Variants in FIP1L1 observed in about 807,000 individuals in gnomAD.
The protein encoded by FIP1L1 is factor interacting with PAPOLA and CPSF1, also known as pre-mRNA 3'-end-processing factor FIP1.
A neutral mutation model predicts 84.6 loss-of-function variants in FIP1L1; 21 were observed. The observed-to-expected ratio is 0.25, with a 90% CI of 0.18 to 0.36. FIP1L1 has a LOEUF of 0.36. Among genes scored for constraint, FIP1L1 ranks in the 10% least tolerant of loss-of-function variants. The pLI is 1.00. For missense variants in FIP1L1, 526 were observed against 751.1 expected, an observed-to-expected ratio of 0.70 and a Z score of 3.50; for synonymous variants, 263 against 242.3, an observed-to-expected ratio of 1.09 and a Z score of -0.80.
At chr4:53,409,198 A>T (rs1361200245) in intron 10 of FIP1L1, among the ~76,000 whole-genome samples, 1 of 152,052 alleles carries the variant, frequency 6.6e-6, no homozygotes, top group South Asian at 2.1e-4. Flanking sequence ...TCTGTTTGTT[A>T]GTTTTCCTTC....
chr4:53,401,639 A>G (rs1482414541), intron 10 of FIP1L1, among the ~76,000 whole-genome samples: 2 of 152,368 alleles, frequency 1.3e-5, no homozygotes, highest in African/African-American at 4.8e-5. Context: ...AGGAAAAAGC[A>G]GTTAAGGATG....
chr4:53,379,310 A>C (rs765896165), intron 3 of FIP1L1, 46 bp downstream of exon 3: 1 of 1,449,166 alleles, frequency 6.9e-7, no homozygotes, highest in South Asian at 1.4e-5. Context: ...GTTGTGTGAA[A>C]CAATGGTTCT....
Position 53,390,623 on chromosome 4 carries a change from A to G in FIP1L1, c.500A>G (p.Lys167Arg). 1 of 1,595,598 alleles carries G rather than the reference A, an allele frequency of 6.3e-7. No individual in the cohort carries two copies. The highest frequency in any genetic ancestry group is 8.6e-7 in the Non-Finnish European group (1 of 1,165,032). The change falls in exon 7 of 18, where the codon AAA becomes AGA. Residue 167 changes from lysine to arginine, a missense_variant. Transcript: ENST00000337488. ...TCTTTTGAAGATAAACCATGGCGTA[A>G]ACCTGGTAAGATTATTGTGGATTAT... ...LDSFEDKPWR[K>R]PGADLSDYFN... is the part of the protein sequence containing the mutation.
chr4:53,453,531 T>G (rs1171434715), intron 16 of FIP1L1, among the ~76,000 whole-genome samples: 2 of 152,202 alleles, frequency 1.3e-5, no homozygotes, highest in Non-Finnish European at 2.9e-5. Flanking sequence ...TGGCTGGAGT[T>G]CAGTGGCATG....
Position 53,459,843 on chromosome 4 carries a change from C to A in FIP1L1, c.*394C>A. ...CTGCATCACAAAAGGCAACAAAGGGCCCCTCTAAGGCTTGAGATTAAAACT... is the reference window on the plus strand; with the variant it reads ...CTGCATCACAAAAGGCAACAAAGGGACCCTCTAAGGCTTGAGATTAAAACT... On this transcript the variant is annotated 3_prime_UTR_variant, in exon 18 of 18. Coordinates refer to ENST00000337488, the MANE Select transcript of FIP1L1 (RefSeq NM_030917.4). 1 of 255,362 alleles carries A rather than the reference C, an allele frequency of 3.9e-6. No homozygotes were observed. The allele number at this position is 255,362 out of a possible 1,614,324, so 15.8% of individuals were successfully genotyped here.
intron 3 of FIP1L1, among the ~76,000 whole-genome samples, chr4:53,379,626 C>T (rs1382974852): frequency 6.6e-6 from 1 of 152,132 alleles, no homozygotes; most frequent in African/African-American, 2.4e-5. Context: ...AGGAACACTC[C>T]AAACTACTGC....
intron 16 of FIP1L1, among the ~76,000 whole-genome samples, chr4:53,454,151 AC>A: frequency 6.6e-6 from 1 of 152,170 alleles, no homozygotes; most frequent in Non-Finnish European, 1.5e-5. Context: ...GTCAGTGCAA[AC>A]CACATGTACA....
At chr4:53,448,554 A>G (rs1284429112) in intron 15 of FIP1L1, among the ~76,000 whole-genome samples, 1 of 152,126 alleles carries the variant, frequency 6.6e-6, no homozygotes, top group South Asian at 2.1e-4. Context: ...TAATCCTGAC[A>G]GTTTTAAAGT....
At chr4:53,449,632 G>A (rs1339088357) in intron 15 of FIP1L1, among the ~76,000 whole-genome samples, 1 of 152,044 alleles carries the variant, frequency 6.6e-6, no homozygotes, top group East Asian at 1.9e-4. Flanking sequence ...ATACCAGCCA[G>A]GTGGGATAAG....
At chr4:53,427,938 T>G in intron 12 of FIP1L1, 89 bp from the exon 13 acceptor site, 1 of 1,138,552 alleles carries the variant, frequency 8.8e-7, no homozygotes, top group Non-Finnish European at 1.2e-6. Flanking sequence ...CCTTTTACTT[T>G]GTTTCTTAGA....
At chr4:53,457,382 GA>G (rs1210563966) in intron 16 of FIP1L1, among the ~76,000 whole-genome samples, 3 of 151,840 alleles carry the variant, frequency 2.0e-5, no homozygotes, top group Non-Finnish European at 2.9e-5. Flanking sequence ...TTTATGGGTA[GA>G]AAAAAATAGT....
At chr4:53,399,643 A>G in intron 9 of FIP1L1, 87 bp from the exon 10 acceptor site, 1 of 823,006 alleles carries the variant, frequency 1.2e-6, no homozygotes, top group Non-Finnish European at 2.0e-6. Context: ...TTCAAATTAA[A>G]TGTTGTAAAC....
chr4:53,385,387 A>G (rs1236177165), intron 5 of FIP1L1, among the ~76,000 whole-genome samples: 1 of 152,134 alleles, frequency 6.6e-6, no homozygotes, highest in East Asian at 1.9e-4. Context: ...GTACCTTACT[A>G]AACTTTATTT....
intron 13 of FIP1L1, among the ~76,000 whole-genome samples, chr4:53,431,863 T>G (rs1475231875): frequency 6.6e-6 from 1 of 152,152 alleles, no homozygotes; most frequent in Non-Finnish European, 1.5e-5. Flanking sequence ...ACTTTTAATG[T>G]CAAATAGTTC....
At chr4:53,405,226 T>C (rs1290721094) in intron 10 of FIP1L1, among the ~76,000 whole-genome samples, 1 of 152,104 alleles carries the variant, frequency 6.6e-6, no homozygotes, top group Non-Finnish European at 1.5e-5. Context: ...TCTCTACATA[T>C]GGCTAGCCAG....
In FIP1L1 at chr4:53,426,006, A is replaced by G. The variant is rs766459761; in HGVS notation, c.1017+41A>G. On this transcript the variant is annotated intron_variant, in intron 12 of 17. Coordinates refer to ENST00000337488, the MANE Select transcript of FIP1L1 (RefSeq NM_030917.4). ...ATAAATAATTTTCTTTAACTGAAGG[A>G]TGATATCAACATTATAATTTAATTT... is the stretch of plus-strand genomic sequence containing the variant. The G allele has an allele frequency of 3.7e-6, 5 of 1,340,198 alleles. No homozygotes were observed. In the South Asian group the frequency reaches 6.2e-5, roughly 17 times the overall value. 83.0% of individuals were successfully genotyped at this position (1,340,198 alleles called of 1,614,324 possible).
chr4:53,389,400 A>G (rs1052770236), intron 5 of FIP1L1, among the ~76,000 whole-genome samples: 1 of 152,164 alleles, frequency 6.6e-6, no homozygotes, highest in African/African-American at 2.4e-5. Flanking sequence ...GAAGTTTGTT[A>G]CAGTAGAATG....
At chr4:53,430,204 G>A (rs755417138) in intron 13 of FIP1L1, among the ~76,000 whole-genome samples, 4 of 152,072 alleles carry the variant, frequency 2.6e-5, no homozygotes, top group Non-Finnish European at 5.9e-5. Flanking sequence ...GACAGAGTTG[G>A]TATGAATTAA....
chr4:53,389,589 G>A lies in FIP1L1; in HGVS notation c.333-220G>A, dbSNP rs1016696267. On this transcript the variant is annotated intron_variant, in intron 5 of 17. Coordinates refer to ENST00000337488, the MANE Select transcript of FIP1L1 (RefSeq NM_030917.4). ...TCTCAGCATTTTGGGAAGCCAAGGT[G>A]GGAGGATTGCTTGAGCTCTGGAGTT... Among the ~76,000 whole-genome samples the A allele has an allele frequency of 2.0e-5, 3 of 152,148 alleles. 1 individual carries two copies. The South Asian group carries it at 6.2e-4, about 32-fold the overall frequency.
Sources: allele counts gnomAD v4.1 joint callset (sites outside exome capture counted in the v4.1 genomes callset), GRCh38; gene constraint gnomAD v4.1.1; transcripts MANE v1.5; gene names NCBI Gene and HGNC (gene_info 2026-07-23, HGNC 2026-07-21).